MIA2: variants seen among roughly 807,000 people sequenced by gnomAD.
The protein encoded by MIA2 is MIA SH3 domain ER export factor 2, also known as melanoma inhibitory activity protein 2.
Under a neutral mutation model 167.8 loss-of-function variants are expected in MIA2, and 127 were observed. The observed-to-expected ratio is 0.76, with a 90% CI of 0.66 to 0.88. MIA2 has a LOEUF of 0.88. MIA2 is among the 40% of genes least tolerant of loss of function. MIA2 has a pLI of 0.00. For missense variants in MIA2, 1,690 were observed against 1,624.7 expected (o/e 1.04, Z -0.69); for synonymous variants, 552 against 541.9 (o/e 1.02, Z -0.26).
At chr14:39,234,409 T>C (rs1037228049) in intron 1 of MIA2, among the ~76,000 whole-genome samples, 180 bp downstream of exon 1, 1 of 152,200 alleles carries the variant, frequency 6.6e-6, no homozygotes, top group Non-Finnish European at 1.5e-5. Flanking sequence ...TGGTAGTATT[T>C]AATACAAATA....
Position 39,348,850 on chromosome 14 carries a change from T to C in MIA2, c.3945T>C (p.Asp1315=), listed in dbSNP as rs1391972755. ...APIRGPLFPV[D]ARGPFLRRGP... ...TCAGAGGTCCATTGTTTCCAGTGGA[T>C]GCAAGAGGCCCATTCTTGAGAAGAG... The change falls in exon 28 of 29, where the codon GAT becomes GAC. Residue 1315 remains aspartate (D), a synonymous_variant. Transcript: ENST00000640607. 5.6e-6 allele frequency: 9 copies of C among 1,613,974 alleles called. No homozygotes were observed. Among genetic ancestry groups the C allele is most frequent in the Non-Finnish European group, 6.8e-6 (8 of 1,179,966 alleles).
rs1219873970 is a variant in MIA2, at chr14:39,388,136, T to G, written c.*1184T>G. On this transcript the variant is annotated 3_prime_UTR_variant, in exon 24 of 24. Transcript: ENST00000341502. This position sits in a 1 kb window ranked among gnomAD's most constrained non-coding sequence, Gnocchi z 4.1. Reference sequence around the variant, plus strand: ...CCGAGTTCCCCCATCTGCTAATCATTTATTGCCTTATGGAAAAACAATTGT... The same window carrying G: ...CCGAGTTCCCCCATCTGCTAATCATGTATTGCCTTATGGAAAAACAATTGT... 6.6e-6 allele frequency: 1 copy of G among 152,202 alleles called. No individual in the cohort carries two copies. Among genetic ancestry groups the G allele is most frequent in the East Asian group, 1.9e-4 (1 of 5,202 alleles). 9.4% of individuals were successfully genotyped at this position (152,202 alleles called of 1,614,324 possible). A position where few individuals can be genotyped will look rare whatever the true frequency, so the allele number is the denominator to read the frequency against.
chr14:39,265,186 C>A, intron 6 of MIA2: 1 of 506,940 alleles, frequency 2.0e-6, no homozygotes, highest in Non-Finnish European at 3.4e-6. Flanking sequence ...TACTTAACAA[C>A]GAGTGAGGTC....
intron 23 of MIA2, among the ~76,000 whole-genome samples, chr14:39,357,575 G>A (rs1359271089): frequency 6.6e-6 from 1 of 152,174 alleles, no homozygotes; most frequent in Non-Finnish European, 1.5e-5. Context: ...ATTGTTATGT[G>A]TGAATTTGAC....
intron 23 of MIA2, among the ~76,000 whole-genome samples, chr14:39,359,992 G>GTTTTTT (rs58076493): frequency 2.3e-5 from 3 of 128,814 alleles, no homozygotes; most frequent in African/African-American, 2.8e-5. Flanking sequence ...TCTGCAGCAT[G>GTTTTTT]TTTTTTTTTT....
At chr14:39,236,790 T>C in intron 1 of MIA2, 132 bp from the exon 2 acceptor site, 1 of 866,422 alleles carries the variant, frequency 1.2e-6, no homozygotes, top group South Asian at 1.9e-5. Flanking sequence ...ATGTAGGTTT[T>C]TGAGGCCATA....
At chr14:39,311,833 TG>T (rs761192143) in intron 18 of MIA2, among the ~76,000 whole-genome samples, 14 of 78,086 alleles carry the variant, frequency 1.8e-4, no homozygotes, top group Middle Eastern at 5.6e-3. Flanking sequence ...TTTGTGTGTG[TG>T]TGTTTTTTTT....
chr14:39,273,743 T>C (rs1445381928), intron 6 of MIA2, among the ~76,000 whole-genome samples: 4 of 152,218 alleles, frequency 2.6e-5, no homozygotes, highest in Admixed American at 2.6e-4. Context: ...CAATATTTTT[T>C]TGAGGATTTT....
chr14:39,355,175 C>T (rs1404028456), downstream of MIA2, among the ~76,000 whole-genome samples: 3 of 151,002 alleles, frequency 2.0e-5, no homozygotes, highest in Non-Finnish European at 4.4e-5. Context: ...GATATTGATT[C>T]TTCCTACCCA....
At chr14:39,295,664 A>G (rs1199571165) in intron 13 of MIA2, among the ~76,000 whole-genome samples, 4 of 151,688 alleles carry the variant, frequency 2.6e-5, no homozygotes, top group Non-Finnish European at 1.5e-5. Context: ...GGTTCAAGCA[A>G]TTTTTCTGCC....
At chr14:39,274,917 A>G (rs2057727678) in intron 6 of MIA2, among the ~76,000 whole-genome samples, 1 of 150,058 alleles carries the variant, frequency 6.7e-6, no homozygotes, top group African/African-American at 2.4e-5. Flanking sequence ...TCTACTAAAA[A>G]TATAAAAACT....
chr14:39,244,040 T>C (rs2054180933), intron 3 of MIA2, among the ~76,000 whole-genome samples: 1 of 152,236 alleles, frequency 6.6e-6, no homozygotes, highest in African/African-American at 2.4e-5. Flanking sequence ...CTGTCTGGAT[T>C]CTTCTTGGCT....
downstream of MIA2, among the ~76,000 whole-genome samples, chr14:39,355,331 A>T (rs1241109282): frequency 6.6e-6 from 1 of 152,122 alleles, no homozygotes; most frequent in African/African-American, 2.4e-5. Context: ...TGTGGAGTTC[A>T]CTCATGATTT....
chr14:39,352,469 C>G (rs1207095164), downstream of MIA2, among the ~76,000 whole-genome samples: 1 of 152,004 alleles, frequency 6.6e-6, no homozygotes, highest in Non-Finnish European at 1.5e-5. Context: ...GTCTGAAAAT[C>G]TCAATTCCCC....
At chr14:39,339,641 T>G (rs973591509) in intron 25 of MIA2, among the ~76,000 whole-genome samples, 3 of 152,152 alleles carry the variant, frequency 2.0e-5, no homozygotes, top group African/African-American at 7.2e-5. Context: ...GAAATGAATG[T>G]AATACTGAAA....
intron 7 of MIA2, among the ~76,000 whole-genome samples, chr14:39,277,772 A>ATGTG (rs1566686101): frequency 2.4e-5 from 1 of 42,160 alleles, no homozygotes. Flanking sequence ...ATATATATAT[A>ATGTG]TATATATATT....
At chr14:39,370,627 A>C in intron 23 of MIA2, 1 of 335,214 alleles carries the variant, frequency 3.0e-6, no homozygotes, top group South Asian at 2.7e-5. Context: ...GTCCTTCACC[A>C]GCGCCTCTCT....
chr14:39,272,904 A>T (rs981295340), intron 6 of MIA2, among the ~76,000 whole-genome samples: 1 of 152,134 alleles, frequency 6.6e-6, no homozygotes, highest in Admixed American at 6.5e-5. Flanking sequence ...ATTCTTTTTG[A>T]TGCTATTATA....
intron 6 of MIA2, among the ~76,000 whole-genome samples, chr14:39,255,928 G>A (rs1172869944): frequency 6.6e-6 from 1 of 152,184 alleles, no homozygotes; most frequent in Non-Finnish European, 1.5e-5. Flanking sequence ...TATTGTCTGG[G>A]AAGGAGTTCC....
Sources: allele counts gnomAD v4.1 joint callset (sites outside exome capture counted in the v4.1 genomes callset), GRCh38; gene constraint gnomAD v4.1.1; non-coding constraint Gnocchi (gnomAD v3.1); transcripts MANE v1.5; gene names NCBI Gene and HGNC (gene_info 2026-07-23, HGNC 2026-07-21).